PTPN3: variants seen among roughly 807,000 people sequenced by gnomAD.
PTPN3 encodes the protein tyrosine-protein phosphatase non-receptor type 3.
In PTPN3, 96 loss-of-function variants were observed where a neutral mutation model predicts 132.7. The observed-to-expected ratio is 0.72, with a 90% CI of 0.61 to 0.86. The LOEUF (loss-of-function observed/expected upper bound fraction) is 0.86. Among genes scored for constraint, PTPN3 ranks in the 40% least tolerant of loss-of-function variants. The probability of loss-of-function intolerance (pLI) is 0.00; values close to 1 mark genes in which losing one functional copy is unlikely to be tolerated. For missense variants in PTPN3, 1,125 were observed against 1,159.6 expected, an observed-to-expected ratio of 0.97 and a Z score of 0.43; for synonymous variants, 398 against 429.0, an observed-to-expected ratio of 0.93 and a Z score of 0.89.
chr9:109,478,954 GTCTTT>G (rs1846825147), intron 1 of PTPN3, among the ~76,000 whole-genome samples: 1 of 151,836 alleles, frequency 6.6e-6, no homozygotes, highest in Non-Finnish European at 1.5e-5. Flanking sequence ...ACCTCTTCTG[GTCTTT>G]TCTTTTTCTT....
chr9:109,422,393 C>T (rs183349075), intron 13 of PTPN3, among the ~76,000 whole-genome samples: 6 of 152,196 alleles, frequency 3.9e-5, no homozygotes, highest in East Asian at 1.9e-4. Flanking sequence ...TAAAGCTAAC[C>T]GTACTTTTTT....
chr9:109,379,987 C>G (rs1201096977), intron 25 of PTPN3, among the ~76,000 whole-genome samples: 1 of 152,168 alleles, frequency 6.6e-6, no homozygotes, highest in Non-Finnish European at 1.5e-5. Flanking sequence ...CTCCTGGACT[C>G]AACACCTAGG....
intron 1 of PTPN3, among the ~76,000 whole-genome samples, chr9:109,468,177 A>G (rs1846192751): frequency 6.6e-6 from 1 of 152,194 alleles, no homozygotes; most frequent in Non-Finnish European, 1.5e-5. Context: ...TCTTAATTCT[A>G]AACAAAGCCA....
chr9:109,383,562 C>T lies in PTPN3; in HGVS notation c.2254-11G>A. 1 of 1,612,898 alleles carries T rather than the reference C, an allele frequency of 6.2e-7. No individual in the cohort carries two copies. Among genetic ancestry groups the T allele is most frequent in the Non-Finnish European group, 8.5e-7 (1 of 1,179,204 alleles). On this transcript the variant is annotated splice_polypyrimidine_tract_variant and intron_variant, in intron 22 of 25. Transcript: ENST00000374541. ...CTGGTGACATTTGGTCTGTAAGAAA[C>T]CACCGAGAGTGAGTGAGCCCCGTCT...
intron 24 of PTPN3, among the ~76,000 whole-genome samples, 182 bp downstream of exon 24, chr9:109,382,120 A>G (rs1839150782): frequency 6.6e-6 from 1 of 152,246 alleles, no homozygotes; most frequent in East Asian, 1.9e-4. Flanking sequence ...CTACATTCAC[A>G]AAGTTAGGAT....
At chr9:109,530,104 A>G in the PTPN3 span, among the ~76,000 whole-genome samples, 1 of 152,152 alleles carries the variant, frequency 6.6e-6, no homozygotes, top group Admixed American at 6.5e-5. Context: ...TACTAGTATA[A>G]CTATTTGTAA....
At chr9:109,446,575 C>T (rs995046507) in intron 6 of PTPN3, among the ~76,000 whole-genome samples, 1 of 152,150 alleles carries the variant, frequency 6.6e-6, no homozygotes, top group Non-Finnish European at 1.5e-5. Flanking sequence ...TGAGTATCAG[C>T]TATTTGCTCT....
At chr9:109,387,359 G>A (rs1471354695) in intron 22 of PTPN3, among the ~76,000 whole-genome samples, 2 of 152,208 alleles carry the variant, frequency 1.3e-5, no homozygotes, top group Non-Finnish European at 2.9e-5. Flanking sequence ...GTGTTTAACA[G>A]ATAACAAGAG....
chr9:109,533,665 G>C, the PTPN3 span: 2,220 of 1,487,862 alleles, frequency 1.5e-3, 21 homozygotes, highest in African/African-American at 0.027. Flanking sequence ...CACCCTGGTT[G>C]TCAGCACCCT....
At chr9:109,440,524 C>T (rs1363367131) in intron 7 of PTPN3, among the ~76,000 whole-genome samples, 1 of 152,188 alleles carries the variant, frequency 6.6e-6, no homozygotes, top group Admixed American at 6.5e-5. Context: ...AGTTAGTGCT[C>T]CTACCACCCC....
At chr9:109,383,799 C>T (rs556276419) in intron 22 of PTPN3, among the ~76,000 whole-genome samples, 1 of 152,256 alleles carries the variant, frequency 6.6e-6, no homozygotes, top group East Asian at 1.9e-4. Context: ...GCAGCGTCTT[C>T]ATCACCAGGG....
chr9:109,475,041 A>C (rs1229689751), intron 1 of PTPN3, among the ~76,000 whole-genome samples: 1 of 152,236 alleles, frequency 6.6e-6, no homozygotes, highest in African/African-American at 2.4e-5. Context: ...AAGATGAAAG[A>C]AACACATTTC....
intron 7 of PTPN3, among the ~76,000 whole-genome samples, chr9:109,443,940 A>G (rs973098520): frequency 2.4e-4 from 36 of 152,192 alleles, no homozygotes; most frequent in Admixed American, 7.8e-4. Flanking sequence ...GGTAAGCTGC[A>G]GGCCCAGCCA....
chr9:109,410,257 TC>T lies in PTPN3; in HGVS notation c.1471del (p.Glu491ArgfsTer18). 2 of 1,614,152 alleles carry T rather than the reference TC, an allele frequency of 1.2e-6. No individual in the cohort carries two copies. Among genetic ancestry groups the T allele is most frequent in the Non-Finnish European group, 1.7e-6 (2 of 1,180,026 alleles). ...GTCACAGTAGTACTGGCTGGCGTCC[TC>T]GGTGGAGCCCCCTTTGGTCACCCTG... Reference protein sequence around the residue: ...FHRVTKGGSTEDASQYYCDKN... With the variant: ...FHRVTKGGSTXDASQYYCDKN... On this transcript the variant is annotated frameshift_variant, in exon 15 of 26. Transcript: ENST00000374541. LOFTEE classifies it high-confidence loss of function.
intron 11 of PTPN3, 40 bp from the exon 12 acceptor site, chr9:109,427,162 T>G (rs756417950): frequency 2.4e-5 from 39 of 1,600,296 alleles, no homozygotes; most frequent in Non-Finnish European, 3.3e-5. Context: ...CACACAGACA[T>G]AGGAGCAGGG....
At chr9:109,530,718 A>G in the PTPN3 span, among the ~76,000 whole-genome samples, 3 of 152,150 alleles carry the variant, frequency 2.0e-5, no homozygotes, top group Non-Finnish European at 4.4e-5. Flanking sequence ...TCCTTTTCCT[A>G]ACATATGTCA....
In PTPN3 at chr9:109,378,876, C is replaced by G. The variant is rs143684539; in HGVS notation, c.*680G>C. 1 of 152,740 alleles carries G rather than the reference C, an allele frequency of 6.5e-6. No homozygotes were observed. Among genetic ancestry groups the G allele is most frequent in the East Asian group, 1.9e-4 (1 of 5,174 alleles). The allele number at this position is 152,740 out of a possible 1,614,324, so 9.5% of individuals were successfully genotyped here. A position where few individuals can be genotyped will look rare whatever the true frequency, so the allele number is the denominator to read the frequency against. Reference sequence around the variant, plus strand: ...AGAGTACCAGTTCTCAGAGCCTCAGCTGAAAATTCACCTGAATGCACATTA... The same window carrying G: ...AGAGTACCAGTTCTCAGAGCCTCAGGTGAAAATTCACCTGAATGCACATTA... On this transcript the variant is annotated 3_prime_UTR_variant, in exon 26 of 26. Coordinates refer to ENST00000374541, the MANE Select transcript of PTPN3 (RefSeq NM_002829.4).
chr9:109,465,047 TA>T (rs1230378677), intron 1 of PTPN3, among the ~76,000 whole-genome samples: 2 of 152,254 alleles, frequency 1.3e-5, no homozygotes. Flanking sequence ...ATGATTTGTG[TA>T]CTTTTCCATA....
chr9:109,387,455 G>T (rs530849411), intron 22 of PTPN3, among the ~76,000 whole-genome samples: 1 of 152,186 alleles, frequency 6.6e-6, no homozygotes, highest in African/African-American at 2.4e-5. Flanking sequence ...GGCCCCTAAT[G>T]TTGCCCAGAG....
Sources: gnomAD v4.1 joint callset for allele counts (sites outside exome capture counted in the v4.1 genomes callset) on GRCh38, gnomAD v4.1.1 for gene constraint, MANE v1.5 for transcripts, NCBI Gene and HGNC (gene_info 2026-07-23, HGNC 2026-07-21) for gene names.